TNNI3K: variants seen among roughly 807,000 people sequenced by gnomAD.
The protein encoded by TNNI3K is TNNI3 interacting kinase.
TNNI3K carries 140 observed loss-of-function variants against 114.5 expected under a neutral mutation model. The ratio of observed to expected loss-of-function variants is 1.22; its 90% CI spans 1.07 to 1.41. TNNI3K has a LOEUF of 1.41. Among genes scored for constraint, TNNI3K ranks in the 40% most tolerant of loss-of-function variants. The pLI is 0.00. For missense variants in TNNI3K, 1,125 were observed against 1,007.6 expected (o/e 1.12, Z -1.58); for synonymous variants, 347 against 347.5 (o/e 1.00, Z 0.02).
At chr1:74,355,923 C>A (rs1331568024) in intron 11 of TNNI3K, among the ~76,000 whole-genome samples, 1 of 151,956 alleles carries the variant, frequency 6.6e-6, no homozygotes, top group African/African-American at 2.4e-5. Context: ...CATATATATA[C>A]CTTTGCACAT....
intron 4 of TNNI3K, among the ~76,000 whole-genome samples, chr1:74,269,257 T>G (rs1437132801): frequency 2.0e-5 from 3 of 151,924 alleles, no homozygotes; most frequent in African/African-American, 7.2e-5. Flanking sequence ...CTTATTTGTT[T>G]ACTTTTTGTC....
At chr1:74,434,189 G>A (rs750020923) in intron 17 of TNNI3K, among the ~76,000 whole-genome samples, 6 of 151,968 alleles carry the variant, frequency 3.9e-5, no homozygotes, top group Admixed American at 2.6e-4. Flanking sequence ...GTCCAGAATT[G>A]TTCTCTAATT....
rs12057487 is a variant in TNNI3K, at chr1:74,295,600, G to A, written c.444+23892G>A. ...AATGGCTCCTTTTAAATTATAAAAT[G>A]TCCCTTTTCATCTTTAGTAATTCTC... On this transcript the variant is annotated intron_variant, in intron 5 of 24. Coordinates refer to ENST00000326637, the MANE Select transcript of TNNI3K (RefSeq NM_015978.3). Among the ~76,000 whole-genome samples the A allele has an allele frequency of 1.1e-3, 174 of 152,064 alleles. 1 individual carries two copies. The highest frequency in any genetic ancestry group is 3.8e-3 in the African/African-American group (157 of 41,482).
At chr1:74,400,416 TC>T (rs1201150930) in intron 17 of TNNI3K, among the ~76,000 whole-genome samples, 1 of 152,182 alleles carries the variant, frequency 6.6e-6, no homozygotes, top group Non-Finnish European at 1.5e-5. Context: ...GGTTGAATGG[TC>T]CAAATTTTCG....
intron 17 of TNNI3K, among the ~76,000 whole-genome samples, chr1:74,423,573 A>G (rs971581581): frequency 2.0e-5 from 3 of 152,150 alleles, no homozygotes; most frequent in African/African-American, 7.2e-5. Context: ...AAGTATTAAT[A>G]TTACCATATA....
Position 74,543,288 on chromosome 1 carries a change from G to T in TNNI3K, c.2432-618G>T, listed in dbSNP as rs1039476828. ...GGGGTTTCACCATATTGACCAGGAT[G>T]GTCTCGATCTCCCGACCTCATGATT... On this transcript the variant is annotated intron_variant, in intron 24 of 24. Coordinates refer to ENST00000326637, the MANE Select transcript of TNNI3K (RefSeq NM_015978.3). 2.6e-5 allele frequency among the ~76,000 whole-genome samples: 4 copies of T among 151,650 alleles called. No homozygotes were observed. The East Asian group carries it at 7.8e-4, about 29-fold the overall frequency.
intron 20 of TNNI3K, among the ~76,000 whole-genome samples, chr1:74,450,724 G>A (rs113227790): frequency 2.0e-5 from 3 of 152,176 alleles, no homozygotes; most frequent in East Asian, 3.9e-4. Flanking sequence ...TCAGAATGGC[G>A]ATTATTAATA....
chr1:74,428,341 T>C (rs755162998), intron 17 of TNNI3K, among the ~76,000 whole-genome samples: 10 of 151,958 alleles, frequency 6.6e-5, no homozygotes, highest in Non-Finnish European at 1.5e-4. Context: ...GAACCAAGGG[T>C]ATATACGAGG....
chr1:74,372,225 C>G (rs1662653220), intron 17 of TNNI3K: 1 of 151,532 alleles, frequency 6.6e-6, no homozygotes, highest in Non-Finnish European at 1.5e-5. Context: ...ATGGGTAACA[C>G]AGCTAGTCAG....
chr1:74,297,471 G>T (rs1399081023), intron 5 of TNNI3K, among the ~76,000 whole-genome samples: 1 of 151,266 alleles, frequency 6.6e-6, no homozygotes, highest in African/African-American at 2.4e-5. Flanking sequence ...CCAGGATGAG[G>T]GCTCTCACCA....
At chr1:74,235,732 A>C (rs941380464) in intron 1 of TNNI3K, among the ~76,000 whole-genome samples, 5 of 151,450 alleles carry the variant, frequency 3.3e-5, no homozygotes, top group Non-Finnish European at 5.9e-5. Context: ...TTACAGAAAA[A>C]AATTTGGAAT....
At chr1:74,248,335 C>G (rs1272510355) in intron 2 of TNNI3K, among the ~76,000 whole-genome samples, 1 of 152,106 alleles carries the variant, frequency 6.6e-6, no homozygotes, top group Non-Finnish European at 1.5e-5. Flanking sequence ...CTGGCCTCGG[C>G]CAGTCCAGAG....
intron 17 of TNNI3K, among the ~76,000 whole-genome samples, chr1:74,381,322 T>C (rs1289498408): frequency 1.3e-5 from 2 of 152,166 alleles, no homozygotes; most frequent in African/African-American, 2.4e-5. Context: ...GTTTTCTAAT[T>C]TCCAAGACGG....
At chr1:74,400,505 A>G (rs987392937) in intron 17 of TNNI3K, among the ~76,000 whole-genome samples, 4 of 152,200 alleles carry the variant, frequency 2.6e-5, no homozygotes, top group African/African-American at 7.2e-5. Flanking sequence ...CATTTCCCCT[A>G]GGATAGTATA....
At chr1:74,289,958 A>G (rs1034446055) in intron 5 of TNNI3K, among the ~76,000 whole-genome samples, 3 of 151,812 alleles carry the variant, frequency 2.0e-5, no homozygotes, top group African/African-American at 4.8e-5. Context: ...AAATCTAGTC[A>G]ATCACCATTT....
intron 20 of TNNI3K, among the ~76,000 whole-genome samples, chr1:74,455,320 G>A (rs946754072): frequency 6.6e-6 from 1 of 152,134 alleles, no homozygotes; most frequent in Non-Finnish European, 1.5e-5. Flanking sequence ...TGATCCAGCA[G>A]AAAGCTGTAT....
chr1:74,436,956 T>G (rs1054681699), intron 19 of TNNI3K, among the ~76,000 whole-genome samples: 1 of 152,028 alleles, frequency 6.6e-6, no homozygotes, highest in Non-Finnish European at 1.5e-5. Flanking sequence ...CAAGTATTAA[T>G]GTTTAAGTAA....
chr1:74,460,587 A>T (rs1667416777), intron 20 of TNNI3K, among the ~76,000 whole-genome samples: 1 of 152,224 alleles, frequency 6.6e-6, no homozygotes, highest in South Asian at 2.1e-4. Flanking sequence ...AATCAAGGTA[A>T]AAATTTGATT....
chr1:74,466,234 C>T (rs1667675724), intron 21 of TNNI3K, among the ~76,000 whole-genome samples: 2 of 152,186 alleles, frequency 1.3e-5, no homozygotes, highest in African/African-American at 4.8e-5. Flanking sequence ...AAGAACCCAC[C>T]AATTCTGGAC....
Sources: allele counts gnomAD v4.1 joint callset (sites outside exome capture counted in the v4.1 genomes callset), GRCh38; gene constraint gnomAD v4.1.1; transcripts MANE v1.5; gene names NCBI Gene and HGNC (gene_info 2026-07-23, HGNC 2026-07-21).